Variants in NTM observed in about 807,000 individuals in gnomAD.
NTM encodes neurotrimin.
A neutral mutation model predicts 42.1 loss-of-function variants in NTM; 13 were observed. The observed-to-expected ratio is 0.31, with a 90% CI of 0.20 to 0.49. The LOEUF (loss-of-function observed/expected upper bound fraction) is 0.49, where lower values mean the gene tolerates loss of function less well. Ranked by LOEUF, NTM falls within the 20% of genes least tolerant of loss-of-function variation. The pLI is 0.99. For missense variants in NTM, 373 were observed against 452.8 expected (o/e 0.82, Z 1.60); for synonymous variants, 187 against 179.2 (o/e 1.04, Z -0.35).
chr11:131,737,106 GC>G (rs1271767587), intron 1 of NTM, among the ~76,000 whole-genome samples: 1 of 152,172 alleles, frequency 6.6e-6, no homozygotes, highest in Non-Finnish European at 1.5e-5. Flanking sequence ...GGTGTCAAGG[GC>G]AGGGAGGGAA....
At chr11:131,787,987 C>A (rs2089548935) in intron 1 of NTM, among the ~76,000 whole-genome samples, 1 of 152,110 alleles carries the variant, frequency 6.6e-6, no homozygotes, top group Admixed American at 6.5e-5. Flanking sequence ...GTGATTGTTT[C>A]TTTTCTCTTT....
chr11:131,880,595 G>T (rs1171852647), intron 1 of NTM, among the ~76,000 whole-genome samples: 1 of 152,190 alleles, frequency 6.6e-6, no homozygotes, highest in Admixed American at 6.5e-5. Flanking sequence ...ACAGAAGCAT[G>T]ATAAAGGCAT....
At chr11:131,631,072 G>A (rs960362910) in intron 1 of NTM, among the ~76,000 whole-genome samples, 3 of 152,148 alleles carry the variant, frequency 2.0e-5, no homozygotes, top group African/African-American at 7.2e-5. Context: ...GAGGAAGTAC[G>A]GCATAGCAGT....
chr11:132,046,126 T>C (rs1396629064), intron 2 of NTM, among the ~76,000 whole-genome samples: 1 of 152,188 alleles, frequency 6.6e-6, no homozygotes, highest in Non-Finnish European at 1.5e-5. Flanking sequence ...ATGGGGATAA[T>C]AATAGTGCTT....
At chr11:132,231,563 G>A (rs2087557523) in intron 4 of NTM, among the ~76,000 whole-genome samples, 1 of 152,096 alleles carries the variant, frequency 6.6e-6, no homozygotes, top group Admixed American at 6.5e-5. Flanking sequence ...CTATGATCTA[G>A]GTTTTAATAA....
intron 1 of NTM, among the ~76,000 whole-genome samples, chr11:131,742,755 G>A (rs926132493): frequency 1.3e-5 from 2 of 152,166 alleles, no homozygotes; most frequent in Non-Finnish European, 2.9e-5. Flanking sequence ...AATGCTATGG[G>A]AGAAACAGAA....
intron 2 of NTM, among the ~76,000 whole-genome samples, chr11:132,137,421 C>A (rs567027064): frequency 3.3e-5 from 5 of 152,160 alleles, no homozygotes; most frequent in Admixed American, 6.5e-5. Flanking sequence ...TTTGAGCTGG[C>A]CTTTGCAGAG....
intron 1 of NTM, among the ~76,000 whole-genome samples, chr11:131,626,425 T>A (rs1289084100): frequency 6.6e-6 from 1 of 152,166 alleles, no homozygotes; most frequent in Non-Finnish European, 1.5e-5. Context: ...CTAAGATGAG[T>A]GAGGACCTGT....
At chr11:132,143,245 G>A (rs1338188538) in intron 2 of NTM, among the ~76,000 whole-genome samples, 1 of 152,192 alleles carries the variant, frequency 6.6e-6, no homozygotes, top group Non-Finnish European at 1.5e-5. Flanking sequence ...GAGCTCTCCA[G>A]ACCAGCATCA....
chr11:131,374,195 G>C (rs751578293), intron 1 of NTM, among the ~76,000 whole-genome samples: 1 of 152,226 alleles, frequency 6.6e-6, no homozygotes, highest in Admixed American at 6.5e-5. Flanking sequence ...GAACCTGCCT[G>C]CCAGGCTTGG....
intron 1 of NTM, among the ~76,000 whole-genome samples, chr11:131,527,036 A>G (rs953970497): frequency 2.0e-5 from 3 of 152,246 alleles, no homozygotes; most frequent in Middle Eastern, 6.8e-3. Context: ...ATCTAGTCCG[A>G]GCAATGACAA....
intron 1 of NTM, among the ~76,000 whole-genome samples, chr11:131,784,931 C>G (rs1377973429): frequency 6.6e-6 from 1 of 152,004 alleles, no homozygotes; most frequent in African/African-American, 2.4e-5. Context: ...ATGTCAAAGA[C>G]CCCACGTAAG....
chr11:131,536,005 G>C (rs2052137561), intron 1 of NTM: 1 of 152,194 alleles, frequency 6.6e-6, no homozygotes, highest in Admixed American at 6.5e-5. Flanking sequence ...GGTGTGGGTT[G>C]GGTGGTTGGG....
chr11:131,552,108 C>T (rs1449285399), intron 1 of NTM, among the ~76,000 whole-genome samples: 1 of 151,872 alleles, frequency 6.6e-6, no homozygotes, highest in Non-Finnish European at 1.5e-5. Flanking sequence ...AATAAAAAGG[C>T]ACACCCACCA....
intron 1 of NTM, among the ~76,000 whole-genome samples, chr11:131,761,390 T>C (rs1034110404): frequency 6.6e-6 from 1 of 152,146 alleles, no homozygotes; most frequent in African/African-American, 2.4e-5. Context: ...CAAATTCCTA[T>C]GTTGAAGGCC....
At chr11:131,390,220 G>C (rs1161899387) in intron 1 of NTM, among the ~76,000 whole-genome samples, 1 of 152,128 alleles carries the variant, frequency 6.6e-6, no homozygotes, top group East Asian at 1.9e-4. Context: ...AAAGAGAGGA[G>C]AGGGAGGTGC....
At chr11:132,331,058 G>A (rs565833809) in intron 8 of NTM, among the ~76,000 whole-genome samples, 7 of 152,336 alleles carry the variant, frequency 4.6e-5, no homozygotes, top group South Asian at 2.1e-4. Flanking sequence ...CCAGTGGCAC[G>A]CCTGCGGTTC....
At chr11:131,573,658 G>A (rs549242661) in intron 1 of NTM, 1 of 152,296 alleles carries the variant, frequency 6.6e-6, no homozygotes, top group South Asian at 2.1e-4. Flanking sequence ...AAGAAATAGA[G>A]ATTATTTTCG....
intron 1 of NTM, among the ~76,000 whole-genome samples, chr11:131,874,094 C>CT: frequency 9.9e-6 from 1 of 100,530 alleles, no homozygotes; most frequent in Non-Finnish European, 2.3e-5. Context: ...AGTCCCAAGC[C>CT]TTGATGGTTG....
Sources: gnomAD v4.1 joint callset for allele counts (sites outside exome capture counted in the v4.1 genomes callset) on GRCh38, gnomAD v4.1.1 for gene constraint, MANE v1.5 for transcripts, NCBI Gene and HGNC (gene_info 2026-07-23, HGNC 2026-07-21) for gene names.